Variants in CCDC7 observed in about 807,000 individuals in gnomAD.
CCDC7 encodes coiled-coil domain-containing protein 7.
A neutral mutation model predicts 196.9 loss-of-function variants in CCDC7; 183 were observed. The ratio of observed to expected loss-of-function variants is 0.93; its 90% CI spans 0.82 to 1.05. CCDC7 has a LOEUF of 1.05. CCDC7 is among the 50% of genes least tolerant of loss of function. The pLI, the probability that CCDC7 is intolerant of heterozygous loss-of-function variation, is 0.00. For synonymous variants in CCDC7, 525 were observed against 484.6 expected (o/e 1.08, Z -1.10); for missense variants, 1,540 against 1,482.2 (o/e 1.04, Z -0.64).
chr10:32,703,317 T>G (rs1455134143), intron 24 of CCDC7, among the ~76,000 whole-genome samples: 1 of 152,092 alleles, frequency 6.6e-6, no homozygotes, highest in Non-Finnish European at 1.5e-5. Flanking sequence ...GAAAATTCTT[T>G]TCTTTATGAA....
At chr10:32,614,410 G>T (rs1302469198) in intron 18 of CCDC7, among the ~76,000 whole-genome samples, 4 of 151,992 alleles carry the variant, frequency 2.6e-5, no homozygotes, top group African/African-American at 9.7e-5. Context: ...TTGCCAGTCT[G>T]TGTCTTTTCA....
At chr10:32,625,213 A>AT (rs2063871797) in intron 18 of CCDC7, among the ~76,000 whole-genome samples, 1 of 150,914 alleles carries the variant, frequency 6.6e-6, no homozygotes, top group African/African-American at 2.4e-5. Context: ...GTCCAATTTT[A>AT]TTTTTTGCAT....
intron 5 of CCDC7, among the ~76,000 whole-genome samples, chr10:32,466,074 C>G (rs577913342): frequency 7.2e-4 from 109 of 152,242 alleles, no homozygotes; most frequent in African/African-American, 2.5e-3. Context: ...AAATCCCAAC[C>G]AGTGCATTCA....
At chr10:32,809,772 T>G (rs1398324686) in intron 30 of CCDC7, among the ~76,000 whole-genome samples, 1 of 152,190 alleles carries the variant, frequency 6.6e-6, no homozygotes, top group Non-Finnish European at 1.5e-5. Flanking sequence ...ACTTTTACAC[T>G]GTTAGTGGGA....
At chr10:32,868,792 C>A (rs2094310780) in intron 41 of CCDC7, among the ~76,000 whole-genome samples, 1 of 147,166 alleles carries the variant, frequency 6.8e-6, no homozygotes, top group South Asian at 2.2e-4. Context: ...CTGTTCAATT[C>A]CCACCTATGA....
chr10:32,610,263 C>A (rs1370306637), intron 18 of CCDC7, among the ~76,000 whole-genome samples: 2 of 151,978 alleles, frequency 1.3e-5, no homozygotes, highest in African/African-American at 4.8e-5. Context: ...CGCCACCACA[C>A]CCGGCTAATT....
chr10:32,832,841 A>G (rs1266067692), intron 32 of CCDC7, among the ~76,000 whole-genome samples: 1 of 152,084 alleles, frequency 6.6e-6, no homozygotes, highest in South Asian at 2.1e-4. Flanking sequence ...ATATATAGAT[A>G]TATAAATTTG....
At chr10:32,874,143 T>A (rs1398983877) in intron 41 of CCDC7, among the ~76,000 whole-genome samples, 3 of 149,148 alleles carry the variant, frequency 2.0e-5, no homozygotes, top group East Asian at 1.9e-4. Context: ...ATATATATAT[T>A]TTTATATGTA....
At chr10:32,638,422 T>G (rs2066070134) in intron 20 of CCDC7, among the ~76,000 whole-genome samples, 1 of 152,178 alleles carries the variant, frequency 6.6e-6, no homozygotes, top group Non-Finnish European at 1.5e-5. Context: ...CCTAATGTAT[T>G]GAGAGTTTTT....
At chr10:32,481,730 G>C (rs1223839570) in intron 8 of CCDC7, 1 of 152,128 alleles carries the variant, frequency 6.6e-6, no homozygotes, top group Non-Finnish European at 1.5e-5. Flanking sequence ...AACTCCCTGA[G>C]CTTTTGTCAG....
At chr10:32,524,458 T>C (rs1446429915) in intron 11 of CCDC7, among the ~76,000 whole-genome samples, 1 of 152,222 alleles carries the variant, frequency 6.6e-6, no homozygotes, top group African/African-American at 2.4e-5. Flanking sequence ...CTTGTGTGCT[T>C]ACTATTACCA....
At chr10:32,770,400 A>G (rs2078996117) in intron 28 of CCDC7, among the ~76,000 whole-genome samples, 1 of 152,120 alleles carries the variant, frequency 6.6e-6, no homozygotes. Flanking sequence ...CATGTTGTTT[A>G]ATTTCCATGT....
chr10:32,631,251 T>C (rs2064815908), intron 18 of CCDC7, among the ~76,000 whole-genome samples: 1 of 152,240 alleles, frequency 6.6e-6, no homozygotes, highest in Admixed American at 6.5e-5. Flanking sequence ...CACAAAAATT[T>C]ACTTCTCTAT....
intron 31 of CCDC7, among the ~76,000 whole-genome samples, chr10:32,823,142 A>G (rs978260729): frequency 6.6e-6 from 1 of 151,618 alleles, no homozygotes; most frequent in South Asian, 2.1e-4. Flanking sequence ...TTTGTCCAAT[A>G]TGATGCTTTT....
chr10:32,839,806 C>T (rs2092854552), intron 33 of CCDC7, among the ~76,000 whole-genome samples: 1 of 152,018 alleles, frequency 6.6e-6, no homozygotes, highest in African/African-American at 2.4e-5. Context: ...CAAGTACTCT[C>T]TCAGACCACA....
chr10:32,790,901 C>T (rs2082594424), intron 29 of CCDC7, among the ~76,000 whole-genome samples: 1 of 152,168 alleles, frequency 6.6e-6, no homozygotes, highest in African/African-American at 2.4e-5. Flanking sequence ...ATTTTACAGC[C>T]ACTTCAATCC....
intron 13 of CCDC7, among the ~76,000 whole-genome samples, chr10:32,554,355 T>C (rs371701513): frequency 6.6e-6 from 1 of 152,322 alleles, no homozygotes; most frequent in African/African-American, 2.4e-5. Context: ...CCTGTTCAAA[T>C]TGTTACAAAG....
intron 30 of CCDC7, among the ~76,000 whole-genome samples, chr10:32,805,659 A>G (rs1288180967): frequency 6.6e-6 from 1 of 152,222 alleles, no homozygotes; most frequent in Non-Finnish European, 1.5e-5. Context: ...GATACAAAGG[A>G]AGGCAGACAG....
At chr10:32,642,365 C>G (rs941077160) in intron 20 of CCDC7, among the ~76,000 whole-genome samples, 1 of 152,206 alleles carries the variant, frequency 6.6e-6, no homozygotes, top group Non-Finnish European at 1.5e-5. Context: ...GCCCCTCCCC[C>G]AGCCTGGCTG....
Sources: allele counts gnomAD v4.1 joint callset (sites outside exome capture counted in the v4.1 genomes callset), GRCh38; gene constraint gnomAD v4.1.1; transcripts MANE v1.5; gene names NCBI Gene and HGNC (gene_info 2026-07-23, HGNC 2026-07-21).